The following AK9 variants were observed in gnomAD, a reference collection of about 807,000 sequenced individuals.
AK9 encodes adenylate kinase domain containing 1.
Under a neutral mutation model 239.6 loss-of-function variants are expected in AK9, and 191 were observed. That is an observed-to-expected ratio of 0.80 (90% CI 0.71 to 0.90). The LOEUF is 0.90. Ranked by LOEUF, AK9 falls within the 40% of genes least tolerant of loss-of-function variation. The pLI is 0.00. For missense variants in AK9, 1,995 were observed against 2,214.7 expected, an observed-to-expected ratio of 0.90 and a Z score of 1.99; for synonymous variants, 689 against 721.0, an observed-to-expected ratio of 0.96 and a Z score of 0.71.
At chr6:109,645,886 C>G (rs1408891854) in intron 8 of AK9, among the ~76,000 whole-genome samples, 3 of 152,228 alleles carry the variant, frequency 2.0e-5, no homozygotes, top group Non-Finnish European at 4.4e-5. Context: ...GCAACATTTG[C>G]TGTTCTGCAA....
intron 24 of AK9, among the ~76,000 whole-genome samples, chr6:109,560,192 C>T (rs751990443): frequency 1.1e-4 from 16 of 152,222 alleles, no homozygotes; most frequent in Non-Finnish European, 1.9e-4. Flanking sequence ...ATTATTCAGC[C>T]TATCACAATA....
At chr6:109,540,887 G>A (rs1007909290) in intron 27 of AK9, among the ~76,000 whole-genome samples, 8 of 152,058 alleles carry the variant, frequency 5.3e-5, no homozygotes, top group Non-Finnish European at 1.2e-4. Context: ...AAAAAGTTGT[G>A]GAGTTTCTCC....
At chr6:109,641,349 C>CT (rs913203723) in intron 10 of AK9, among the ~76,000 whole-genome samples, 169 bp downstream of exon 10, 11,158 of 124,404 alleles carry the variant, frequency 0.09, 807 homozygotes, top group African/African-American at 0.17. Flanking sequence ...TTCTTTCTTT[C>CT]TTTTTTTTTT....
chr6:109,610,752 G>C (rs139229804), intron 16 of AK9, among the ~76,000 whole-genome samples: 1 of 152,172 alleles, frequency 6.6e-6, no homozygotes, highest in African/African-American at 2.4e-5. Flanking sequence ...GAAAGTGAAA[G>C]AGGCAAGAAG....
intron 20 of AK9, among the ~76,000 whole-genome samples, chr6:109,578,671 G>T (rs1478323787): frequency 6.6e-6 from 1 of 151,982 alleles, no homozygotes; most frequent in Non-Finnish European, 1.5e-5. Context: ...TTTGATGTAA[G>T]CATTTAATAC....
At chr6:109,548,079 G>A (rs1233656958) in intron 25 of AK9, among the ~76,000 whole-genome samples, 1 of 152,142 alleles carries the variant, frequency 6.6e-6, no homozygotes, top group Admixed American at 6.5e-5. Context: ...TGATGAGGAT[G>A]TGAAGAAAGG....
At chr6:109,521,864 A>AC (rs1779905488) in intron 29 of AK9, among the ~76,000 whole-genome samples, 1 of 151,144 alleles carries the variant, frequency 6.6e-6, no homozygotes, top group South Asian at 2.1e-4. Context: ...GTCTCTCCCC[A>AC]CCCCCATGTT....
intron 12 of AK9, among the ~76,000 whole-genome samples, chr6:109,629,651 G>T (rs11758649): frequency 0.36 from 49,513 of 136,308 alleles, 8,403 homozygotes; most frequent in South Asian, 0.46. Context: ...TTTTTTTTTT[G>T]AGACAGAGTC....
intron 32 of AK9, among the ~76,000 whole-genome samples, chr6:109,510,634 A>G (rs1333597326): frequency 6.6e-6 from 1 of 152,160 alleles, no homozygotes; most frequent in African/African-American, 2.4e-5. Context: ...GCCTAAGTAG[A>G]GGAGTCACCC....
chr6:109,515,736 T>G, intron 31 of AK9, 121 bp downstream of exon 31: 69 of 861,468 alleles, frequency 8.0e-5, no homozygotes, highest in Middle Eastern at 2.8e-4. Flanking sequence ...TATAGCTAGA[T>G]GAGACTACTA....
chr6:109,534,809 A>T (rs921331021), intron 27 of AK9, among the ~76,000 whole-genome samples: 1 of 151,740 alleles, frequency 6.6e-6, no homozygotes, highest in Non-Finnish European at 1.5e-5. Context: ...CCTGTGTCCA[A>T]ATGTTCTCAT....
chr6:109,543,585 T>C (rs761699729), intron 26 of AK9, among the ~76,000 whole-genome samples: 3 of 151,914 alleles, frequency 2.0e-5, no homozygotes, highest in Non-Finnish European at 2.9e-5. Context: ...GTAGCTGGCA[T>C]TACAGGCATG....
chr6:109,674,408 T>G (rs541094088), intron 2 of AK9, 147 bp from the exon 3 acceptor site: 1 of 538,202 alleles, frequency 1.9e-6, no homozygotes, highest in East Asian at 3.2e-5. Flanking sequence ...AGACCCTAGA[T>G]ACGTATAGTT....
At chr6:109,670,137 T>C (rs1370631973) in intron 5 of AK9, among the ~76,000 whole-genome samples, 1 of 152,072 alleles carries the variant, frequency 6.6e-6, no homozygotes, top group African/African-American at 2.4e-5. Flanking sequence ...AGGGGAAACT[T>C]ATATATAAAG....
At chr6:109,517,443 T>C (rs770754756) in intron 29 of AK9, among the ~76,000 whole-genome samples, 33 of 152,336 alleles carry the variant, frequency 2.2e-4, no homozygotes, top group Non-Finnish European at 3.8e-4. Flanking sequence ...ATGTTTTTGA[T>C]GGTCTTCAGG....
intron 8 of AK9, among the ~76,000 whole-genome samples, chr6:109,647,720 A>AGCTCTG (rs1798277947): frequency 6.6e-6 from 1 of 152,232 alleles, no homozygotes. Flanking sequence ...AATTGAACTC[A>AGCTCTG]GCTCTGCAAC....
chr6:109,535,250 C>G (rs905317165), intron 27 of AK9, among the ~76,000 whole-genome samples: 4 of 152,222 alleles, frequency 2.6e-5, no homozygotes, highest in African/African-American at 7.2e-5. Flanking sequence ...TATTTCTCCA[C>G]ATCCTCTCCA....
chr6:109,557,453 G>C (rs1207459431), intron 24 of AK9, among the ~76,000 whole-genome samples: 1 of 152,136 alleles, frequency 6.6e-6, no homozygotes, highest in Non-Finnish European at 1.5e-5. Context: ...ACCCCTGTTA[G>C]AGGGTCTCAC....
intron 12 of AK9, among the ~76,000 whole-genome samples, chr6:109,622,336 T>C (rs1319003719): frequency 2.1e-5 from 3 of 143,156 alleles, no homozygotes; most frequent in Admixed American, 1.4e-4. Flanking sequence ...TATATGTATA[T>C]ACTATAGTCA....
Sources: allele counts gnomAD v4.1 joint callset (sites outside exome capture counted in the v4.1 genomes callset), GRCh38; gene constraint gnomAD v4.1.1; transcripts MANE v1.5; gene names NCBI Gene and HGNC (gene_info 2026-07-23, HGNC 2026-07-21).